Variants in OCA2 observed in about 807,000 individuals in gnomAD.
The protein encoded by OCA2 is OCA2 melanosomal transmembrane protein, also known as P protein.
In OCA2, 77 loss-of-function variants were observed where a neutral mutation model predicts 100.2. That is an observed-to-expected ratio of 0.77 (90% CI 0.64 to 0.93). The LOEUF (loss-of-function observed/expected upper bound fraction) is 0.93. Among genes scored for constraint, OCA2 ranks in the 40% least tolerant of loss-of-function variants. The pLI is 0.00. For missense variants in OCA2, 1,062 were observed against 1,089.1 expected, an observed-to-expected ratio of 0.98 and a Z score of 0.35; for synonymous variants, 432 against 439.2, an observed-to-expected ratio of 0.98 and a Z score of 0.21.
chr15:27,802,149 T>C (rs2033642904), intron 23 of OCA2, among the ~76,000 whole-genome samples: 1 of 152,160 alleles, frequency 6.6e-6, no homozygotes, highest in African/African-American at 2.4e-5. Context: ...TATATTTCTA[T>C]ATAATAGCAA....
chr15:27,743,840 C>T, the OCA2 span, among the ~76,000 whole-genome samples: 9 of 152,088 alleles, frequency 5.9e-5, no homozygotes, highest in Non-Finnish European at 1.2e-4. Flanking sequence ...ACCCCTGCCC[C>T]GAGGCCAGCC....
rs139771912 is a variant in OCA2, at chr15:27,780,243, G to A, written c.2433-24771C>T. On this transcript the variant is annotated intron_variant, in intron 23 of 23. Transcript: ENST00000354638. ...CTGCCAGGCTACCTTCTGTTCTCTC[G>A]GGCTTCTGTCCAGACTGATCTGTCC... is the stretch of plus-strand genomic sequence containing the variant. Among the ~76,000 whole-genome samples the A allele has an allele frequency of 3.5e-4, 54 of 152,266 alleles. No homozygotes were observed. The East Asian group carries it at 8.7e-3, about 25-fold the overall frequency.
At chr15:28,037,575 A>G in intron 2 of OCA2, among the ~76,000 whole-genome samples, 1 of 152,158 alleles carries the variant, frequency 6.6e-6, no homozygotes, top group East Asian at 1.9e-4. Flanking sequence ...TTTCCCCACC[A>G]TATTATTACC....
In OCA2 at chr15:27,755,399, C is replaced by T. The variant is rs770934507; in HGVS notation, c.2506G>A (p.Gly836Arg). The T allele has an allele frequency of 5.6e-6, 9 of 1,612,018 alleles. No homozygotes were observed. The highest frequency in any genetic ancestry group is 7.6e-6 in the Non-Finnish European group (9 of 1,178,268). The change falls in exon 24 of 24, where the codon GGA (glycine) becomes AGA (arginine). Residue 836 changes from glycine (G) to arginine (R), a missense_variant. Gly to Arg is a moderately radical substitution (Grantham distance 125). Coordinates refer to ENST00000354638, the MANE Select transcript of OCA2 (RefSeq NM_000275.3). ...TAGATGGATGTCTATTAATTCCATC[C>T]CACCACCACATGAGCCACAAGGAGA... ...CYLLVAHVVVGWN is the reference protein window; with the variant it reads ...CYLLVAHVVVRWN
the OCA2 span, among the ~76,000 whole-genome samples, chr15:27,730,730 CAAATATATATATATATATAT>C: frequency 2.5e-5 from 2 of 80,284 alleles, no homozygotes; most frequent in Non-Finnish European, 5.4e-5. Flanking sequence ...AGAAAAAGAC[CAAATATATATATATATATAT>C]ATATATATAT....
chr15:27,898,461 T>C (rs1308152481), intron 19 of OCA2, among the ~76,000 whole-genome samples: 1 of 152,198 alleles, frequency 6.6e-6, no homozygotes, highest in Non-Finnish European at 1.5e-5. Context: ...AGCTCTCTCT[T>C]TGCCTGCTGC....
intron 23 of OCA2, among the ~76,000 whole-genome samples, chr15:27,800,214 G>A (rs971690696): frequency 2.0e-5 from 3 of 152,096 alleles, no homozygotes; most frequent in Non-Finnish European, 4.4e-5. Context: ...AAGCGTTGCC[G>A]AGGTAGAAAT....
At chr15:27,793,882 C>G (rs1321992105) in intron 23 of OCA2, among the ~76,000 whole-genome samples, 1 of 152,134 alleles carries the variant, frequency 6.6e-6, no homozygotes, top group Non-Finnish European at 1.5e-5. Context: ...CGTGAATGGA[C>G]GTGCCCACCA....
chr15:28,060,861 C>T (rs1336672066), intron 2 of OCA2, among the ~76,000 whole-genome samples: 3 of 152,178 alleles, frequency 2.0e-5, no homozygotes, highest in Admixed American at 6.5e-5. Flanking sequence ...AGAACTGGCA[C>T]TATTGGAGCT....
chr15:27,954,571 T>C (rs542393030), intron 17 of OCA2, among the ~76,000 whole-genome samples: 7 of 152,150 alleles, frequency 4.6e-5, no homozygotes, highest in Non-Finnish European at 1.5e-5. Context: ...ACAAACTGCA[T>C]GGATCTGAAA....
intron 19 of OCA2, among the ~76,000 whole-genome samples, chr15:27,881,997 T>C (rs1369401683): frequency 6.6e-6 from 1 of 152,224 alleles, no homozygotes; most frequent in Admixed American, 6.5e-5. Flanking sequence ...AGCTTTCTGA[T>C]GTGGGCATTT....
intron 8 of OCA2, among the ~76,000 whole-genome samples, chr15:28,015,726 C>T (rs1245618733): frequency 6.6e-6 from 1 of 152,262 alleles, no homozygotes; most frequent in Non-Finnish European, 1.5e-5. Flanking sequence ...TACTATGATA[C>T]GGCAGCCTTA....
intron 23 of OCA2, among the ~76,000 whole-genome samples, chr15:27,826,339 T>G (rs935134211): frequency 6.8e-6 from 1 of 146,838 alleles, no homozygotes; most frequent in African/African-American, 2.7e-5. Flanking sequence ...CACAGAGAAG[T>G]CAAGGAACTT....
At chr15:27,923,503 T>G (rs992113140) in intron 19 of OCA2, among the ~76,000 whole-genome samples, 23 of 152,236 alleles carry the variant, frequency 1.5e-4, no homozygotes, top group African/African-American at 5.5e-4. Context: ...ATCTCTTTTC[T>G]CTGCAACTTC....
intron 7 of OCA2, 116 bp from the exon 8 acceptor site, chr15:28,016,302 C>T: frequency 1.2e-6 from 1 of 819,194 alleles, no homozygotes. Flanking sequence ...AAGAAAGAAA[C>T]AGGAGAGCAT....
intron 23 of OCA2, among the ~76,000 whole-genome samples, chr15:27,839,100 T>C (rs78718177): frequency 0.016 from 2,480 of 152,274 alleles, 26 homozygotes; most frequent in Non-Finnish European, 0.021. Context: ...AGAATAAACT[T>C]ATCAGTGGTC....
chr15:27,920,901 A>T (rs1457842613), intron 19 of OCA2, among the ~76,000 whole-genome samples: 1 of 152,094 alleles, frequency 6.6e-6, no homozygotes, highest in Non-Finnish European at 1.5e-5. Flanking sequence ...AAGAAAAAAG[A>T]ATGAAGAAAA....
chr15:27,868,989 C>G (rs1260822154), intron 21 of OCA2, among the ~76,000 whole-genome samples: 1 of 152,180 alleles, frequency 6.6e-6, no homozygotes, highest in African/African-American at 2.4e-5. Context: ...GATCCCTGCT[C>G]CAGGGAAGGG....
chr15:28,032,792 C>CAAAAAAAAAAAAAA (rs34369918), intron 2 of OCA2, among the ~76,000 whole-genome samples: 1 of 107,548 alleles, frequency 9.3e-6, no homozygotes, highest in Non-Finnish European at 1.9e-5. Context: ...GACTCTGTCT[C>CAAAAAAAAAAAAAA]AAAAAAAAAA....
Sources: gnomAD v4.1 joint callset for allele counts (sites outside exome capture counted in the v4.1 genomes callset) on GRCh38, gnomAD v4.1.1 for gene constraint, MANE v1.5 for transcripts, NCBI Gene and HGNC (gene_info 2026-07-23, HGNC 2026-07-21) for gene names.